The following LMBRD2 variants were observed in gnomAD, a reference collection of about 807,000 sequenced individuals.
LMBRD2 encodes the protein LMBR1 domain containing 2, also known as G protein-coupled receptor-associated protein LMBRD2.
In LMBRD2, 55 loss-of-function variants were observed where a neutral mutation model predicts 94.4. The ratio of observed to expected loss-of-function variants is 0.58; its 90% CI spans 0.47 to 0.73. The LOEUF is 0.73. Ranked by LOEUF, LMBRD2 falls within the 30% of genes least tolerant of loss-of-function variation. The pLI is 0.00. For missense variants in LMBRD2, 640 were observed against 831.9 expected, an observed-to-expected ratio of 0.77 and a Z score of 2.84; for synonymous variants, 246 against 272.4, an observed-to-expected ratio of 0.90 and a Z score of 0.95.
intron 6 of LMBRD2, among the ~76,000 whole-genome samples, chr5:36,135,014 T>C (rs1416019157): frequency 2.0e-5 from 3 of 152,170 alleles, no homozygotes; most frequent in East Asian, 1.9e-4. Context: ...CTTGTTCTCA[T>C]ACTAGAACAC....
At chr5:36,141,744 A>G (rs1285976080) in intron 3 of LMBRD2, among the ~76,000 whole-genome samples, 1 of 152,186 alleles carries the variant, frequency 6.6e-6, no homozygotes, top group Non-Finnish European at 1.5e-5. Flanking sequence ...TGAAGACATG[A>G]TGAGTCTCTG....
At chr5:36,106,516 T>G (rs1476090122) in intron 16 of LMBRD2, among the ~76,000 whole-genome samples, 5 of 147,734 alleles carry the variant, frequency 3.4e-5, no homozygotes, top group Non-Finnish European at 7.5e-5. Flanking sequence ...TTCGTTTTTT[T>G]TTTTTTTTTT....
chr5:36,146,807 T>C (rs1462362674), intron 1 of LMBRD2, among the ~76,000 whole-genome samples: 1 of 152,214 alleles, frequency 6.6e-6, no homozygotes, highest in Non-Finnish European at 1.5e-5. Context: ...TTTTAAATTG[T>C]ATATATTTAA....
intron 14 of LMBRD2, 40 bp from the exon 15 acceptor site, chr5:36,110,031 G>T: frequency 6.7e-7 from 1 of 1,489,266 alleles, no homozygotes; most frequent in Non-Finnish European, 9.3e-7. Flanking sequence ...GCATAACATG[G>T]TTTAATCAGA....
At chr5:36,126,060 G>A (rs187793643) in intron 6 of LMBRD2, among the ~76,000 whole-genome samples, 1 of 152,276 alleles carries the variant, frequency 6.6e-6, no homozygotes, top group East Asian at 1.9e-4. Context: ...AGATCAAAGT[G>A]ATCCTAGAAG....
In LMBRD2 at chr5:36,122,893, A is replaced by G; in HGVS notation, c.891T>C (p.His297=). 6.3e-7 allele frequency: 1 copy of G among 1,589,416 alleles called. No individual in the cohort carries two copies. Among genetic ancestry groups the G allele is most frequent in the Non-Finnish European group, 8.5e-7 (1 of 1,171,994 alleles). The change falls in exon 8 of 18, where the codon CAT becomes CAC. Residue 297 remains histidine (H), a synonymous_variant. Coordinates refer to ENST00000296603, the MANE Select transcript of LMBRD2 (RefSeq NM_001007527.2). ...GACTTTTTTCACTTGGATAGATACTATGCTTTTCATCAAAATCTTCATAAT... is the reference window on the plus strand; with the variant it reads ...GACTTTTTTCACTTGGATAGATACTGTGCTTTTCATCAAAATCTTCATAAT... ...MDDYEDFDEK[H]SIYPSEKSLV...
At chr5:36,136,066 C>CCT (rs1744262600) in intron 6 of LMBRD2, among the ~76,000 whole-genome samples, 1 of 152,182 alleles carries the variant, frequency 6.6e-6, no homozygotes, top group African/African-American at 2.4e-5. Context: ...AAATAATAGG[C>CCT]GTAGCCCTGC....
chr5:36,109,972 C>T lies in LMBRD2; in HGVS notation c.1764G>A (p.Arg588=). 1 of 1,608,060 alleles carries T rather than the reference C, an allele frequency of 6.2e-7. No individual in the cohort carries two copies. Among genetic ancestry groups the T allele is most frequent in the Non-Finnish European group, 8.5e-7 (1 of 1,175,426 alleles). ...LIRKEKRKRQ[R]QEEGENRRRE... Reference sequence around the variant, plus strand: ...TTCTTCGATTTTCACCTTCTTCTTGCCTTTGCCTTTTTCTCTTCTCTAAAG... The same window carrying T: ...TTCTTCGATTTTCACCTTCTTCTTGTCTTTGCCTTTTTCTCTTCTCTAAAG... Residue 588 remains arginine, a synonymous_variant, in exon 15 of 18, where the codon AGG becomes AGA. Transcript: ENST00000296603.
intron 4 of LMBRD2, 54 bp downstream of exon 4, chr5:36,141,053 C>A (rs964802887): frequency 2.1e-6 from 2 of 936,144 alleles, no homozygotes; most frequent in South Asian, 1.4e-5. Flanking sequence ...GATTGAAAAA[C>A]ATTTTATTCC....
intron 6 of LMBRD2, among the ~76,000 whole-genome samples, chr5:36,134,378 G>A (rs1744221516): frequency 6.6e-6 from 1 of 152,066 alleles, no homozygotes; most frequent in African/African-American, 2.4e-5. Flanking sequence ...TAAGAGTCTG[G>A]ACAATCAGGG....
At chr5:36,148,037 A>G (rs916213441) in intron 1 of LMBRD2, 1 of 183,968 alleles carries the variant, frequency 5.4e-6, no homozygotes, top group Non-Finnish European at 1.3e-5. Context: ...AAAATAATAA[A>G]AACCAGGAGA....
At chr5:36,122,558 G>A in intron 8 of LMBRD2, 95 bp from the exon 9 acceptor site, 1 of 1,114,336 alleles carries the variant, frequency 9.0e-7, no homozygotes, top group Non-Finnish European at 1.3e-6. Context: ...CATAACAATG[G>A]GAAAGTGCTA....
At position 36,151,547 on chromosome 5, in the gene LMBRD2, G is replaced by T. The variant is rs1744713323; in HGVS notation, c.-58+9C>A. The stretch of plus-strand genomic sequence containing the variant: ...ACAGGTGCGACGCCAGCAGTTCGCA[G>T]CCTCTCACCTGGCCGGCGGGCTGGG... On this transcript the variant is annotated intron_variant, in intron 1 of 17. Coordinates refer to ENST00000296603, the MANE Select transcript of LMBRD2 (RefSeq NM_001007527.2). The surrounding 1 kb of genome is among the most constrained non-coding windows in gnomAD (Gnocchi z 4.7). 6.6e-6 allele frequency: 1 copy of T among 152,362 alleles called. No individual in the cohort carries two copies. Among genetic ancestry groups the T allele is most frequent in the Non-Finnish European group, 1.5e-5 (1 of 68,134 alleles). The allele number at this position is 152,362 out of a possible 1,614,324, so 9.4% of individuals were successfully genotyped here.
In LMBRD2 at chr5:36,111,208, T is replaced by A; in HGVS notation, c.1691A>T (p.Asp564Val). The stretch of plus-strand genomic sequence containing the variant: ...AACTAAGTCTGATGTCATATCATCA[T>A]CTCCCATAAACTGCTGGAAACCGAG... Reference protein sequence around the residue: ...NLLGFQQFMGDDDMTSDLVNE... With the variant: ...NLLGFQQFMGVDDMTSDLVNE... The change falls in exon 14 of 18, where the codon GAT becomes GTT. Residue 564 changes from aspartate to valine, a missense_variant. Coordinates refer to ENST00000296603, the MANE Select transcript of LMBRD2 (RefSeq NM_001007527.2). 1 of 1,612,124 alleles carries A rather than the reference T, an allele frequency of 6.2e-7. No homozygotes were observed. Among genetic ancestry groups the A allele is most frequent in the East Asian group, 2.2e-5 (1 of 44,752 alleles).
chr5:36,121,002 T>A (rs768578587), intron 9 of LMBRD2, among the ~76,000 whole-genome samples: 1 of 140,282 alleles, frequency 7.1e-6, no homozygotes, highest in African/African-American at 2.5e-5. Flanking sequence ...ATTACTTCTT[T>A]ATTGATTTTA....
chr5:36,121,593 TA>T (rs1432038078), intron 9 of LMBRD2, among the ~76,000 whole-genome samples: 1 of 152,162 alleles, frequency 6.6e-6, no homozygotes, highest in African/African-American at 2.4e-5. Flanking sequence ...GAGGACTACT[TA>T]AGCAAATATT....
At chr5:36,128,513 G>A (rs1744060325) in intron 6 of LMBRD2, among the ~76,000 whole-genome samples, 1 of 152,134 alleles carries the variant, frequency 6.6e-6, no homozygotes, top group African/African-American at 2.4e-5. Context: ...TTAAGCTCAG[G>A]AGTTTGAGAA....
chr5:36,144,822 C>A (rs1034458515), intron 1 of LMBRD2, among the ~76,000 whole-genome samples: 1 of 152,160 alleles, frequency 6.6e-6, no homozygotes, highest in Non-Finnish European at 1.5e-5. Context: ...AATTTATATA[C>A]AAAATACTCC....
In LMBRD2 at chr5:36,109,999, CAG is replaced by C. The variant is rs1329516037; in HGVS notation, c.1745-10_1745-9del. The C allele has an allele frequency of 6.9e-6, 11 of 1,603,768 alleles. No individual in the cohort carries two copies. Among genetic ancestry groups the C allele is most frequent in the Non-Finnish European group, 9.4e-6 (11 of 1,172,042 alleles). On this transcript the variant is annotated splice_polypyrimidine_tract_variant and intron_variant, in intron 14 of 17. Transcript: ENST00000296603. ...TTTGCCTTTTTCTCTTCTCTAAAGACAGAAAAATGATCTCAAATATGGCATAA... is the reference window on the plus strand; with the variant it reads ...TTTGCCTTTTTCTCTTCTCTAAAGACAAAAATGATCTCAAATATGGCATAA...
Sources: allele counts gnomAD v4.1 joint callset (sites outside exome capture counted in the v4.1 genomes callset), GRCh38; gene constraint gnomAD v4.1.1; non-coding constraint Gnocchi (gnomAD v3.1); transcripts MANE v1.5; gene names NCBI Gene and HGNC (gene_info 2026-07-23, HGNC 2026-07-21).